USP49: variants seen among roughly 807,000 people sequenced by gnomAD.
USP49 encodes ubiquitin carboxyl-terminal hydrolase 49.
USP49 carries 24 observed loss-of-function variants against 58.6 expected under a neutral mutation model. The observed-to-expected ratio is 0.41, with a 90% confidence interval of 0.30 to 0.58. The LOEUF is 0.58. Among genes scored for constraint, USP49 ranks in the 20% least tolerant of loss-of-function variants. The pLI, the probability that USP49 is intolerant of heterozygous loss-of-function variation, is 0.30. For missense variants in USP49, 703 were observed against 866.1 expected, an observed-to-expected ratio of 0.81 and a Z score of 2.36; for synonymous variants, 408 against 365.1, an observed-to-expected ratio of 1.12 and a Z score of -1.34.
At position 41,808,042 on chromosome 6, in the gene USP49, G is replaced by T. The variant is rs144376132; in HGVS notation, c.-28-1031C>A. Among the ~76,000 whole-genome samples the T allele has an allele frequency of 6.7e-3, 1,027 of 152,318 alleles. 12 individuals carry two copies. Among genetic ancestry groups the T allele is most frequent in the African/African-American group, 0.023 (966 of 41,570 alleles). ...TCTGCCCGCCTCAGCCTCCTAAAGT[G>T]CTGGGAATACAGGCACGAGCCACTG... On this transcript the variant is annotated intron_variant, in intron 3 of 7. Coordinates refer to ENST00000682992, the MANE Select transcript of USP49 (RefSeq NM_001286554.2).
intron 2 of USP49, among the ~76,000 whole-genome samples, chr6:41,880,695 C>T (rs769496190): frequency 6.6e-6 from 1 of 152,106 alleles, no homozygotes; most frequent in Non-Finnish European, 1.5e-5. Context: ...TTCATATATG[C>T]AGATTCCCAA....
At position 41,795,682 on chromosome 6, in the gene USP49, G is replaced by A. The variant is rs556731917; in HGVS notation, c.*851C>T. 6.6e-6 allele frequency: 1 copy of A among 152,336 alleles called. No individual in the cohort carries two copies. Among genetic ancestry groups the A allele is most frequent in the East Asian group, 1.9e-4 (1 of 5,188 alleles). 9.4% of individuals were successfully genotyped at this position (152,336 alleles called of 1,614,324 possible). On this transcript the variant is annotated 3_prime_UTR_variant, in exon 8 of 8. Coordinates refer to ENST00000682992, the MANE Select transcript of USP49 (RefSeq NM_001286554.2). ...CTCTGCCCACCCTCAATTGAGTTCT[G>A]AGAAAACCTAAGAATCAATTTAAAC... is the stretch of plus-strand genomic sequence containing the variant.
At chr6:41,884,273 T>C (rs1774669519) in intron 2 of USP49, among the ~76,000 whole-genome samples, 1 of 152,176 alleles carries the variant, frequency 6.6e-6, no homozygotes, top group East Asian at 1.9e-4. Context: ...TCTGCCCACC[T>C]TGGCCTCCCA....
At chr6:41,823,439 T>C (rs539297196) in intron 3 of USP49, among the ~76,000 whole-genome samples, 1 of 152,330 alleles carries the variant, frequency 6.6e-6, no homozygotes, top group East Asian at 1.9e-4. Context: ...ATCTATGGTA[T>C]ATAGAGTACC....
chr6:41,807,129 T>G, intron 3 of USP49, 118 bp from the exon 4 acceptor site: 4 of 1,095,680 alleles, frequency 3.7e-6, no homozygotes, highest in Non-Finnish European at 4.7e-6. Context: ...AACTCTAGAT[T>G]CATTCATTTT....
chr6:41,816,155 AAG>A (rs953886906), intron 3 of USP49, among the ~76,000 whole-genome samples: 2 of 152,180 alleles, frequency 1.3e-5, no homozygotes, highest in South Asian at 2.1e-4. Flanking sequence ...TCTGTCTAAA[AAG>A]AGAGAGAGAC....
At position 41,863,933 on chromosome 6, in the gene USP49, A is replaced by ATTT. The variant is rs35693450; in HGVS notation, c.-29+7628_-29+7630dup. 1.2e-3 allele frequency among the ~76,000 whole-genome samples: 167 copies of ATTT among 137,672 alleles called. 2 individuals carry two copies. Among genetic ancestry groups the ATTT allele is most frequent in the African/African-American group, 4.3e-3 (160 of 37,264 alleles). 90.3% of individuals were successfully genotyped at this position (137,672 alleles called of 152,430 possible). A position where few individuals can be genotyped will look rare whatever the true frequency, so the allele number is the denominator to read the frequency against. On this transcript the variant is annotated intron_variant, in intron 3 of 7. Coordinates refer to ENST00000682992, the MANE Select transcript of USP49 (RefSeq NM_001286554.2). ...CCACCACACCTGGCTAATTTTTGTA[A>ATTT]TTTTTTTTTTTTTTTTTGGTAGAGA...
Position 41,864,049 on chromosome 6 carries a change from G to A in USP49, c.-29+7515C>T, listed in dbSNP as rs547076124. 2.0e-4 allele frequency among the ~76,000 whole-genome samples: 31 copies of A among 151,518 alleles called. 1 individual carries two copies. Among genetic ancestry groups the A allele is most frequent in the African/African-American group, 6.5e-4 (27 of 41,284 alleles). On this transcript the variant is annotated intron_variant, in intron 3 of 7. Transcript: ENST00000682992. ...CTCTCAAACTGCTGGGATTTCCTGA[G>A]CCACCACACCTGGCCATAAACCTCA...
At chr6:41,880,503 G>A (rs974992684) in intron 2 of USP49, among the ~76,000 whole-genome samples, 1 of 152,096 alleles carries the variant, frequency 6.6e-6, no homozygotes, top group African/African-American at 2.4e-5. Flanking sequence ...TAAAATTTCA[G>A]AACATTTCCA....
At chr6:41,893,855 G>T (rs1310507923) in intron 1 of USP49, 1 of 152,106 alleles carries the variant, frequency 6.6e-6, no homozygotes, top group Non-Finnish European at 1.5e-5. Context: ...CCTCAACAAA[G>T]AATTCCTTTC....
At position 41,806,128 on chromosome 6, in the gene USP49, G is replaced by A. The variant is rs1773117890; in HGVS notation, c.856C>T (p.Pro286Ser). ...KFRECFLNLD[P>S]SKTEHLFPKA... ...GGAAACAGATGTTCCGTTTTGGAAG[G>A]GTCAAGGTTGAGGAAACATTCTCGG... The change falls in exon 4 of 8, where the codon CCT becomes TCT. Residue 286 changes from proline to serine, a missense_variant. By Grantham distance (74) the Pro-to-Ser change is moderately conservative. Transcript: ENST00000682992. This position sits in a 1 kb window ranked among gnomAD's most constrained non-coding sequence, Gnocchi z 5.9. 1.2e-6 allele frequency: 2 copies of A among 1,613,736 alleles called. No individual in the cohort carries two copies. The highest frequency in any genetic ancestry group is 8.5e-7 in the Non-Finnish European group (1 of 1,180,044).
chr6:41,874,678 C>A (rs1199694566), intron 2 of USP49, among the ~76,000 whole-genome samples: 1 of 152,140 alleles, frequency 6.6e-6, no homozygotes, highest in Non-Finnish European at 1.5e-5. Flanking sequence ...CGGAAATATA[C>A]CAGGCTGGGA....
At chr6:41,798,980 G>T (rs781519187) in intron 6 of USP49, 51 bp from the exon 7 acceptor site, 1 of 1,564,198 alleles carries the variant, frequency 6.4e-7, no homozygotes, top group South Asian at 1.2e-5. Context: ...ATATATAATC[G>T]TAGGTAGAGG....
intron 3 of USP49, among the ~76,000 whole-genome samples, chr6:41,834,110 T>C (rs761710570): frequency 6.6e-6 from 1 of 152,200 alleles, no homozygotes; most frequent in Non-Finnish European, 1.5e-5. Flanking sequence ...ATTTGTCCTA[T>C]TTAAAGTTCT....
intron 3 of USP49, among the ~76,000 whole-genome samples, chr6:41,828,046 ATTCT>A (rs1937513772): frequency 6.6e-6 from 1 of 152,160 alleles, no homozygotes. Flanking sequence ...AAAATTGAAC[ATTCT>A]TTCATGTATC....
chr6:41,854,976 G>A lies in USP49; in HGVS notation c.-29+16588C>T, dbSNP rs770634967. The stretch of plus-strand genomic sequence containing the variant: ...TTTGGTAGAGATGGGGTTTCGCTAC[G>A]TTGGCCAGGCTGGTCTCGAACTTCT... On this transcript the variant is annotated intron_variant, in intron 3 of 7. Coordinates refer to ENST00000682992, the MANE Select transcript of USP49 (RefSeq NM_001286554.2). 3.0e-4 allele frequency among the ~76,000 whole-genome samples: 45 copies of A among 151,930 alleles called. 1 individual carries two copies. The highest frequency in any genetic ancestry group is 4.6e-4 in the African/African-American group (19 of 41,358).
At chr6:41,819,818 T>C (rs573846615) in intron 3 of USP49, among the ~76,000 whole-genome samples, 30 of 152,190 alleles carry the variant, frequency 2.0e-4, no homozygotes, top group Admixed American at 3.9e-4. Context: ...TAAAATACTC[T>C]TGCTAAAAGA....
At chr6:41,797,881 T>G in intron 7 of USP49, 1 of 921,306 alleles carries the variant, frequency 1.1e-6, no homozygotes, top group East Asian at 1.2e-4. Flanking sequence ...CTTATTTATT[T>G]ATTTGAGTCA....
chr6:41,796,525 C>T lies in USP49; in HGVS notation c.*8G>A, dbSNP rs1403130605. 1 of 716,726 alleles carries T rather than the reference C, an allele frequency of 1.4e-6. No homozygotes were observed. The highest frequency in any genetic ancestry group is 2.6e-6 in the Non-Finnish European group (1 of 384,896). The allele number at this position is 716,726 out of a possible 1,614,324, so 44.4% of individuals were successfully genotyped here. On this transcript the variant is annotated 3_prime_UTR_variant, in exon 8 of 8. Coordinates refer to ENST00000682992, the MANE Select transcript of USP49 (RefSeq NM_001286554.2). ...CACAAAAGCCAGTCTTTGATACATG[C>T]CTCCCATTCAGGAAAATGTCTGTGG...
Sources: gnomAD v4.1 joint callset for allele counts (sites outside exome capture counted in the v4.1 genomes callset) on GRCh38, gnomAD v4.1.1 for gene constraint, Gnocchi (gnomAD v3.1) non-coding constraint, MANE v1.5 for transcripts, NCBI Gene and HGNC (gene_info 2026-07-23, HGNC 2026-07-21) for gene names.